Variants in LPO observed in about 807,000 individuals in gnomAD.
LPO encodes the protein salivary peroxidase.
In LPO, 70 loss-of-function variants were observed where a neutral mutation model predicts 68.4. The observed-to-expected ratio is 1.02, with a 90% CI of 0.84 to 1.25. LPO has a LOEUF of 1.25. Among genes scored for constraint, LPO ranks in the 50% most tolerant of loss-of-function variants. The pLI, the probability that LPO is intolerant of heterozygous loss-of-function variation, is 0.00. For synonymous variants in LPO, 360 were observed against 357.6 expected (o/e 1.01, Z -0.08); for missense variants, 873 against 908.4 (o/e 0.96, Z 0.50).
chr17:58,244,624 C>G (rs975596141), intron 3 of LPO, among the ~76,000 whole-genome samples: 3 of 152,224 alleles, frequency 2.0e-5, no homozygotes, highest in Admixed American at 2.0e-4. Flanking sequence ...AGAAGTTGCT[C>G]CTCAGAGCCT....
chr17:58,251,780 A>G (rs1296410277), intron 7 of LPO: 28 of 505,858 alleles, frequency 5.5e-5, no homozygotes, highest in Non-Finnish European at 1.1e-4. Flanking sequence ...TTGAGGACTG[A>G]GATGAGTTAA....
intron 9 of LPO, among the ~76,000 whole-genome samples, chr17:58,261,809 G>A (rs796721550): frequency 6.0e-4 from 92 of 152,116 alleles, no homozygotes; most frequent in African/African-American, 2.1e-3. Context: ...GTTGTTCTCC[G>A]GATAGATAGG....
At chr17:58,265,105 C>A (rs1970239389) in intron 10 of LPO, 131 bp downstream of exon 10, 2 of 1,137,432 alleles carry the variant, frequency 1.8e-6, no homozygotes, top group Non-Finnish European at 2.5e-6. Flanking sequence ...CCTCACTGAG[C>A]CTCAGTTTCC....
In LPO at chr17:58,267,506, G is replaced by T; in HGVS notation, c.1851G>T (p.Pro617=). The T allele has an allele frequency of 6.2e-7, 1 of 1,614,062 alleles. No individual in the cohort carries two copies. ...TCTGGATAGGGGCCATTGCTGAGCC[G>T]CTGGTGGAAAGGGGTCGGGTGGGGC... ...IDIWIGAIAE[P]LVERGRVGPL... is the part of the protein sequence containing the mutation. Residue 617 remains proline (P), a synonymous_variant, in exon 12 of 13, where the codon CCG becomes CCT. Transcript: ENST00000262290.
In LPO at chr17:58,252,290, A is replaced by T; in HGVS notation, c.889A>T (p.Ile297Phe). 1 of 1,614,164 alleles carries T rather than the reference A, an allele frequency of 6.2e-7. No individual in the cohort carries two copies. Among genetic ancestry groups the T allele is most frequent in the Non-Finnish European group, 8.5e-7 (1 of 1,180,022 alleles). ...CTACAAGTCCCTGGCCCGAGAGCAG[A>T]TCAACGCTCTGACCTCCTTCCTGGA... Reference protein sequence around the residue: ...PPYKSLAREQINALTSFLDAS... With the variant: ...PPYKSLAREQFNALTSFLDAS... The change falls in exon 8 of 13, where the codon ATC becomes TTC. Residue 297 changes from isoleucine (I) to phenylalanine (F), a missense_variant. Ile to Phe is a conservative substitution (Grantham distance 21). Coordinates refer to ENST00000262290, the MANE Select transcript of LPO (RefSeq NM_006151.3).
chr17:58,266,570 C>T (rs896480642), intron 11 of LPO, among the ~76,000 whole-genome samples: 1 of 152,032 alleles, frequency 6.6e-6, no homozygotes, highest in African/African-American at 2.4e-5. Context: ...AAGTAATCCT[C>T]CTGCTTAAGC....
intron 9 of LPO, among the ~76,000 whole-genome samples, chr17:58,264,216 G>A (rs1970219502): frequency 6.6e-6 from 1 of 152,156 alleles, no homozygotes; most frequent in South Asian, 2.1e-4. Flanking sequence ...TTTCTTTTCT[G>A]AAAATTTTTT....
intron 9 of LPO, among the ~76,000 whole-genome samples, chr17:58,255,633 GC>G (rs1970056982): frequency 6.6e-6 from 1 of 152,134 alleles, no homozygotes; most frequent in Non-Finnish European, 1.5e-5. Flanking sequence ...AGCCAGGCGG[GC>G]CCCAGTGGCA....
chr17:58,250,773 G>T (rs993209962), intron 7 of LPO, 152 bp downstream of exon 7: 16 of 739,934 alleles, frequency 2.2e-5, no homozygotes, highest in Non-Finnish European at 3.4e-5. Context: ...TCACTCATCC[G>T]TTTATTCAGT....
chr17:58,248,869 G>A (rs972573420), intron 4 of LPO, among the ~76,000 whole-genome samples, 191 bp from the exon 5 acceptor site: 10 of 152,110 alleles, frequency 6.6e-5, no homozygotes, highest in African/African-American at 1.9e-4. Context: ...TTTCTTCCCT[G>A]TAAAATGGGA....
chr17:58,243,139 C>A, intron 2 of LPO, 84 bp downstream of exon 2: 3 of 1,342,472 alleles, frequency 2.2e-6, no homozygotes, highest in South Asian at 1.2e-5. Flanking sequence ...GAAATGTATT[C>A]TCTCACAGTA....
intron 8 of LPO, among the ~76,000 whole-genome samples, chr17:58,254,220 G>C (rs1324509289): frequency 2.0e-5 from 3 of 150,772 alleles, no homozygotes; most frequent in African/African-American, 7.4e-5. Flanking sequence ...AGGGCACAGG[G>C]AGAAGTCCTT....
Position 58,249,709 on chromosome 17 carries a change from G to C in LPO, c.573+14G>C. On this transcript the variant is annotated intron_variant, in intron 6 of 12. Transcript: ENST00000262290. ...CCTCTCCCGCTGGTGAGGGCAGGCC[G>C]GGCCGGGGTGAAGGATGGGAGCCAG... 1 of 1,549,374 alleles carries C rather than the reference G, an allele frequency of 6.5e-7. No homozygotes were observed. Among genetic ancestry groups the C allele is most frequent in the Non-Finnish European group, 8.6e-7 (1 of 1,156,466 alleles).
chr17:58,245,099 G>C (rs1405282468), intron 3 of LPO, among the ~76,000 whole-genome samples: 1 of 152,190 alleles, frequency 6.6e-6, no homozygotes, highest in African/African-American at 2.4e-5. Flanking sequence ...ACACGCTCTG[G>C]ACGCTTCTAG....
chr17:58,257,737 T>C (rs1970098361), intron 9 of LPO, among the ~76,000 whole-genome samples: 1 of 152,270 alleles, frequency 6.6e-6, no homozygotes, highest in Admixed American at 6.5e-5. Flanking sequence ...ATAGTGGTTG[T>C]ACTAATTTAC....
chr17:58,260,649 T>C (rs1041908862), intron 9 of LPO, among the ~76,000 whole-genome samples: 1 of 152,210 alleles, frequency 6.6e-6, no homozygotes, highest in Non-Finnish European at 1.5e-5. Flanking sequence ...TAGGATCATA[T>C]GATTTTTATC....
chr17:58,239,779 T>C (rs1454403970), intron 1 of LPO, among the ~76,000 whole-genome samples: 1 of 152,170 alleles, frequency 6.6e-6, no homozygotes, highest in Non-Finnish European at 1.5e-5. Flanking sequence ...ATGCAGACTT[T>C]CAGGCCCCTT....
At chr17:58,248,201 G>C (rs904199795) in intron 4 of LPO, among the ~76,000 whole-genome samples, 2 of 152,194 alleles carry the variant, frequency 1.3e-5, no homozygotes, top group African/African-American at 4.8e-5. Flanking sequence ...TCATGAGGAA[G>C]GGGTTTGGTC....
Position 58,252,164 on chromosome 17 carries a change from T to G in LPO, c.781-18T>G. 6.2e-7 allele frequency: 1 copy of G among 1,610,610 alleles called. No individual in the cohort carries two copies. The highest frequency in any genetic ancestry group is 8.5e-7 in the Non-Finnish European group (1 of 1,177,500). On this transcript the variant is annotated intron_variant, in intron 7 of 12. Coordinates refer to ENST00000262290, the MANE Select transcript of LPO (RefSeq NM_006151.3). ...TGTTCCACCCCTGCCCAGTCACTTA[T>G]GCCCACTCTCTCTGCAGTTCCCACC...
Sources: allele counts gnomAD v4.1 joint callset (sites outside exome capture counted in the v4.1 genomes callset), GRCh38; gene constraint gnomAD v4.1.1; transcripts MANE v1.5; gene names NCBI Gene and HGNC (gene_info 2026-07-23, HGNC 2026-07-21).